TCF20: variants seen among roughly 807,000 people sequenced by gnomAD.
The protein encoded by TCF20 is SPRE-binding protein.
Under a neutral mutation model 148.6 loss-of-function variants are expected in TCF20, and 3 were observed. That is an observed-to-expected ratio of 0.02 (90% CI 0.01 to 0.05). TCF20 has a LOEUF of 0.05. Ranked by LOEUF, TCF20 falls within the 10% of genes least tolerant of loss-of-function variation. TCF20 has a pLI of 1.00. For missense variants in TCF20, 2,350 were observed against 2,429.3 expected, an observed-to-expected ratio of 0.97 and a Z score of 0.69; for synonymous variants, 1,049 against 909.5, an observed-to-expected ratio of 1.15 and a Z score of -2.76.
At chr22:42,196,233 C>T (rs5751239) in intron 2 of TCF20, among the ~76,000 whole-genome samples, 88,421 of 152,026 alleles carry the variant, frequency 0.58, 26,988 homozygotes, top group African/African-American at 0.77. Context: ...AGTGGTGTAA[C>T]AGGTAAAATG....
At chr22:42,198,667 T>G (rs1937756638) in intron 2 of TCF20, among the ~76,000 whole-genome samples, 1 of 148,668 alleles carries the variant, frequency 6.7e-6, no homozygotes, top group South Asian at 2.1e-4. Flanking sequence ...TTTTCCAAGT[T>G]TTTTTTTTTT....
chr22:42,288,560 C>T (rs1927074097), upstream of TCF20, among the ~76,000 whole-genome samples: 1 of 147,426 alleles, frequency 6.8e-6, no homozygotes, highest in South Asian at 2.1e-4. Context: ...AAAAAAAAGC[C>T]GGGCATGGTG....
chr22:42,217,599 AAGAACTAGGCCTTAG>A (rs1921940821), intron 1 of TCF20, among the ~76,000 whole-genome samples: 1 of 152,244 alleles, frequency 6.6e-6, no homozygotes, highest in Non-Finnish European at 1.5e-5. Context: ...TAAATGGTGT[AAGAACTAGGCCTTAG>A]AGAACTAGGC....
intron 1 of TCF20, among the ~76,000 whole-genome samples, chr22:42,340,652 A>G (rs1275247326): frequency 6.6e-6 from 1 of 152,106 alleles, no homozygotes; most frequent in Non-Finnish European, 1.5e-5. Flanking sequence ...CCACCCTGAG[A>G]GCACAACCAT....
intron 1 of TCF20, among the ~76,000 whole-genome samples, chr22:42,341,393 G>A (rs1415581642): frequency 6.6e-6 from 1 of 152,142 alleles, no homozygotes. Flanking sequence ...GCTAGATGGG[G>A]CAAGGGAGGC....
intron 1 of TCF20, among the ~76,000 whole-genome samples, chr22:42,308,627 G>T (rs898184277): frequency 2.0e-5 from 3 of 152,142 alleles, no homozygotes; most frequent in Non-Finnish European, 4.4e-5. Context: ...CAGGCACAAG[G>T]TATCTGGGAA....
At chr22:42,162,349 G>A (rs1304675144) in intron 5 of TCF20, among the ~76,000 whole-genome samples, 1 of 152,076 alleles carries the variant, frequency 6.6e-6, no homozygotes, top group East Asian at 1.9e-4. Flanking sequence ...GTTTTCTGAG[G>A]CTCAGACAGA....
Position 42,299,998 on chromosome 22 carries a change from C to G in TCF20, c.-37+43481G>C, listed in dbSNP as rs1010686818. Among the ~76,000 whole-genome samples, 26 of 151,566 alleles carry G rather than the reference C, an allele frequency of 1.7e-4. No individual in the cohort carries two copies. The highest frequency in any genetic ancestry group is 5.6e-4 in the African/African-American group (23 of 41,276). ...GGGGGAGGGGCGCGCTGAAATCACCCGCAACATCAAAGCCTTCCCCAGCCG... is the reference window on the plus strand; with the variant it reads ...GGGGGAGGGGCGCGCTGAAATCACCGGCAACATCAAAGCCTTCCCCAGCCG... On this transcript the variant is annotated intron_variant, in intron 1 of 1. Transcript: ENST00000515426. The surrounding 1 kb of genome is among the most constrained non-coding windows in gnomAD (Gnocchi z 4.1).
upstream of TCF20, among the ~76,000 whole-genome samples, chr22:42,273,127 A>AG (rs35219812): frequency 5.0e-3 from 758 of 152,068 alleles, 4 homozygotes; most frequent in African/African-American, 0.014. Flanking sequence ...TGGGAGGCCA[A>AG]GGGGGGTGTA....
chr22:42,241,545 C>T (rs1487516059), intron 1 of TCF20, among the ~76,000 whole-genome samples: 4 of 152,146 alleles, frequency 2.6e-5, no homozygotes, highest in East Asian at 1.9e-4. Context: ...GCAGATTAAT[C>T]GGCTGGCGCG....
At chr22:42,242,467 TTAAATA>T (rs1208899853) in intron 1 of TCF20, among the ~76,000 whole-genome samples, 2 of 152,032 alleles carry the variant, frequency 1.3e-5, no homozygotes, top group African/African-American at 4.8e-5. Context: ...ACCACCACAA[TTAAATA>T]TCTATTGTGG....
At chr22:42,254,321 CTT>C (rs1196939003) in intron 1 of TCF20, among the ~76,000 whole-genome samples, 1 of 68,244 alleles carries the variant, frequency 1.5e-5, no homozygotes, top group Non-Finnish European at 4.8e-5. Context: ...CTTTCTTTTT[CTT>C]TGTTTCTATA....
At chr22:42,298,944 G>T (rs920025245) in intron 1 of TCF20, among the ~76,000 whole-genome samples, 1 of 152,202 alleles carries the variant, frequency 6.6e-6, no homozygotes, top group Non-Finnish European at 1.5e-5. Flanking sequence ...CCAGGGCAGG[G>T]AGGGGCCGGG....
upstream of TCF20, among the ~76,000 whole-genome samples, chr22:42,271,784 T>G (rs1481601574): frequency 6.6e-6 from 1 of 152,118 alleles, no homozygotes; most frequent in East Asian, 1.9e-4. Context: ...CAACCCAACT[T>G]AAAAGTTGGG....
At chr22:42,228,622 A>G (rs1391626683) in intron 1 of TCF20, among the ~76,000 whole-genome samples, 1 of 152,244 alleles carries the variant, frequency 6.6e-6, no homozygotes, top group Non-Finnish European at 1.5e-5. Flanking sequence ...CGAGGCTGGT[A>G]AAGGGAATCA....
At position 42,209,707 on chromosome 22, in the gene TCF20, G is replaced by A. The variant is rs1182529121; in HGVS notation, c.5599C>T (p.Leu1867=). ...AGGCCATAGAGCCTGCCACAAACCA[G>A]GTAGATTCCATTGGCCCAGAGAATA... ...GCILWANGIY[L]VCGRLYGLQE... Residue 1867 remains leucine (L), a synonymous_variant, in exon 2 of 6, where the codon CTG becomes TTG. Coordinates refer to ENST00000677622, the MANE Select transcript of TCF20 (RefSeq NM_001378418.1). The A allele has an allele frequency of 1.2e-6, 2 of 1,614,030 alleles. No homozygotes were observed. The highest frequency in any genetic ancestry group is 2.2e-5 in the East Asian group (1 of 44,898).
chr22:42,215,947 G>C (rs1921730012), intron 1 of TCF20, among the ~76,000 whole-genome samples: 1 of 151,918 alleles, frequency 6.6e-6, no homozygotes, highest in African/African-American at 2.4e-5. Context: ...TGCCTTATTA[G>C]ACAAATGAGC....
chr22:42,323,870 T>G (rs79143358), intron 1 of TCF20, among the ~76,000 whole-genome samples: 2 of 90,906 alleles, frequency 2.2e-5, no homozygotes, highest in African/African-American at 3.3e-5. Context: ...ATGGTGGTGG[T>G]GGTGGTGGTG....
intron 1 of TCF20, among the ~76,000 whole-genome samples, chr22:42,321,672 C>T (rs546517415): frequency 1.3e-5 from 2 of 151,902 alleles, no homozygotes; most frequent in Non-Finnish European, 2.9e-5. Flanking sequence ...CCAGGCTGGG[C>T]GCGGTGACTC....
Sources: allele counts gnomAD v4.1 joint callset (sites outside exome capture counted in the v4.1 genomes callset), GRCh38; gene constraint gnomAD v4.1.1; non-coding constraint Gnocchi (gnomAD v3.1); transcripts MANE v1.5; gene names NCBI Gene and HGNC (gene_info 2026-07-23, HGNC 2026-07-21).